The following HMBOX1 variants were observed in gnomAD, a reference collection of about 807,000 sequenced individuals.
HMBOX1 encodes homeobox containing 1.
HMBOX1 carries 14 observed loss-of-function variants against 54.5 expected under a neutral mutation model. The ratio of observed to expected loss-of-function variants is 0.26; its 90% CI spans 0.17 to 0.40. The LOEUF is 0.40. HMBOX1 is among the 10% of genes least tolerant of loss of function. The pLI is 1.00. For missense variants in HMBOX1, 332 were observed against 514.4 expected (o/e 0.65, Z 3.43); for synonymous variants, 160 against 181.0 (o/e 0.88, Z 0.93).
intron 1 of HMBOX1, among the ~76,000 whole-genome samples, chr8:28,902,703 T>C: frequency 6.6e-6 from 1 of 152,210 alleles, no homozygotes; most frequent in Non-Finnish European, 1.5e-5. Flanking sequence ...TTATTGTTTT[T>C]TATGATCTAT....
chr8:29,045,462 C>T lies in HMBOX1; in HGVS notation c.934+19C>T. On this transcript the variant is annotated intron_variant, in intron 7 of 9. Transcript: ENST00000287701. ...AAGCCAGGTAAGGTCGCAGGCACAG[C>T]CTTGCTCTGCGGTGCAGCACAGCGC... 1 of 1,599,386 alleles carries T rather than the reference C, an allele frequency of 6.3e-7. No homozygotes were observed. Among genetic ancestry groups the T allele is most frequent in the South Asian group, 1.1e-5 (1 of 90,800 alleles).
chr8:29,001,563 C>T (rs1344880053), intron 4 of HMBOX1, among the ~76,000 whole-genome samples: 1 of 143,804 alleles, frequency 7.0e-6, no homozygotes, highest in Non-Finnish European at 1.6e-5. Context: ...CAAAACAAAA[C>T]AAAACAAAAC....
At chr8:29,007,943 C>T (rs1833700058) in intron 4 of HMBOX1, among the ~76,000 whole-genome samples, 1 of 152,086 alleles carries the variant, frequency 6.6e-6, no homozygotes, top group African/African-American at 2.4e-5. Context: ...TAGGGGCTTG[C>T]TTTTAATGAG....
At chr8:29,047,243 A>T in intron 7 of HMBOX1, 115 bp from the exon 8 acceptor site, 1 of 675,240 alleles carries the variant, frequency 1.5e-6, no homozygotes, top group Non-Finnish European at 2.6e-6. Flanking sequence ...CTGCATCTGT[A>T]GTTTTGGCAA....
rs577068427 is a variant in HMBOX1, at chr8:28,956,754, A to G, written c.-57-7057A>G. ...TCTGATTATCTGGTCAGAGAAGTCC[A>G]CTTTTGGTTTTCTTCTTTTGCACAA... On this transcript the variant is annotated intron_variant, in intron 1 of 9. Coordinates refer to ENST00000287701, the MANE Select transcript of HMBOX1 (RefSeq NM_001135726.3). Among the ~76,000 whole-genome samples the G allele has an allele frequency of 7.0e-4, 107 of 152,274 alleles. 1 individual carries two copies. Among genetic ancestry groups the G allele is most frequent in the Non-Finnish European group, 1.2e-3 (81 of 68,016 alleles).
Position 29,051,898 on chromosome 8 carries a change from TAAA to T in HMBOX1, c.*761_*763del, listed in dbSNP as rs11356150. ...AACAAAGACAAAAACCAAAAGTCAT[TAAA>T]AAAAAAAAAAAAAAAAACCCAGCTT... On this transcript the variant is annotated 3_prime_UTR_variant, in exon 10 of 10. Transcript: ENST00000287701. 113 of 131,966 alleles carry T rather than the reference TAAA, an allele frequency of 8.6e-4. No homozygotes were observed. The highest frequency in any genetic ancestry group is 1.2e-3 in the African/African-American group (39 of 33,358). The allele number at this position is 131,966 out of a possible 1,614,324, so 8.2% of individuals were successfully genotyped here.
intron 1 of HMBOX1, among the ~76,000 whole-genome samples, chr8:28,916,159 A>G (rs564478440): frequency 6.6e-6 from 1 of 152,274 alleles, no homozygotes; most frequent in African/African-American, 2.4e-5. Context: ...TTTCTTGTTC[A>G]TATCTTTAAG....
intron 1 of HMBOX1, among the ~76,000 whole-genome samples, chr8:28,955,360 T>C (rs916272452): frequency 5.9e-5 from 9 of 152,316 alleles, no homozygotes; most frequent in Non-Finnish European, 1.2e-4. Context: ...CCTATTCTTT[T>C]CTTCTATGCT....
chr8:29,038,324 C>T (rs937552519), intron 6 of HMBOX1, among the ~76,000 whole-genome samples: 13 of 152,150 alleles, frequency 8.5e-5, no homozygotes, highest in African/African-American at 2.2e-4. Flanking sequence ...ATCACTCAGC[C>T]GACAGTGTCC....
intron 1 of HMBOX1, among the ~76,000 whole-genome samples, chr8:28,907,298 T>C (rs1042817489): frequency 2.0e-5 from 3 of 152,212 alleles, no homozygotes; most frequent in Non-Finnish European, 4.4e-5. Flanking sequence ...GGGAGTAAGA[T>C]GTTCTTGTCT....
At chr8:29,005,862 T>C (rs759099075) in intron 4 of HMBOX1, among the ~76,000 whole-genome samples, 3 of 152,186 alleles carry the variant, frequency 2.0e-5, no homozygotes, top group Non-Finnish European at 2.9e-5. Flanking sequence ...GTCTGTGTTA[T>C]AGGTTTTTCA....
At chr8:28,981,639 G>A (rs1037285569) in intron 4 of HMBOX1, among the ~76,000 whole-genome samples, 2 of 151,656 alleles carry the variant, frequency 1.3e-5, no homozygotes, top group Non-Finnish European at 2.9e-5. Context: ...TTTTCAGGTA[G>A]AAGCATTTCT....
At chr8:28,892,725 A>G (rs1040464465) in intron 1 of HMBOX1, among the ~76,000 whole-genome samples, 6 of 152,172 alleles carry the variant, frequency 3.9e-5, no homozygotes, top group African/African-American at 7.2e-5. Context: ...GTATATTTCA[A>G]TTGACCTGAA....
At chr8:28,993,515 G>A (rs1831306268) in intron 4 of HMBOX1, among the ~76,000 whole-genome samples, 1 of 152,096 alleles carries the variant, frequency 6.6e-6, no homozygotes, top group Non-Finnish European at 1.5e-5. Context: ...ATACTATGGA[G>A]TACTATTTGT....
chr8:28,983,634 A>G (rs1829745194), intron 4 of HMBOX1, among the ~76,000 whole-genome samples: 1 of 152,158 alleles, frequency 6.6e-6, no homozygotes. Flanking sequence ...TTGTGCAGGT[A>G]CTCTGAACTT....
intron 4 of HMBOX1, among the ~76,000 whole-genome samples, chr8:29,007,757 A>G (rs893501606): frequency 2.6e-5 from 4 of 151,964 alleles, no homozygotes; most frequent in Admixed American, 1.3e-4. Context: ...GTGGTGAGCC[A>G]TGATTGCGCC....
At position 28,980,306 on chromosome 8, in the gene HMBOX1, C is replaced by CT. The variant is rs529188089; in HGVS notation, c.586+151dup. On this transcript the variant is annotated intron_variant, in intron 4 of 9. Coordinates refer to ENST00000287701, the MANE Select transcript of HMBOX1 (RefSeq NM_001135726.3). ...ATGCCTGTGATTTAAAACCCATTGT[C>CT]TCCAATATCGCCGAACTTCTCTAGT... 46 of 663,858 alleles carry CT rather than the reference C, an allele frequency of 6.9e-5. No homozygotes were observed. In the Admixed American group the frequency reaches 7.6e-4, roughly 11 times the overall value. The allele number at this position is 663,858 out of a possible 1,614,324, so 41.1% of individuals were successfully genotyped here. A position where few individuals can be genotyped will look rare whatever the true frequency, so the allele number is the denominator to read the frequency against.
At chr8:28,908,660 C>T (rs1188759513) in intron 1 of HMBOX1, among the ~76,000 whole-genome samples, 1 of 152,074 alleles carries the variant, frequency 6.6e-6, no homozygotes, top group Admixed American at 6.5e-5. Flanking sequence ...GAGGCTGAGG[C>T]AGTGGAATTG....
chr8:29,008,990 C>G, intron 4 of HMBOX1, 82 bp from the exon 5 acceptor site: 1 of 1,052,166 alleles, frequency 9.5e-7, no homozygotes, highest in Non-Finnish European at 1.4e-6. Flanking sequence ...ATAAAGCACC[C>G]AGTAACCTAG....
Sources: allele counts gnomAD v4.1 joint callset (sites outside exome capture counted in the v4.1 genomes callset), GRCh38; gene constraint gnomAD v4.1.1; transcripts MANE v1.5; gene names NCBI Gene and HGNC (gene_info 2026-07-23, HGNC 2026-07-21).